Variants in MYT1L observed in about 807,000 individuals in gnomAD.
MYT1L encodes the protein myelin transcription factor 1 like, also known as myelin transcription factor 1-like protein.
A neutral mutation model predicts 126.7 loss-of-function variants in MYT1L; 12 were observed. That is an observed-to-expected ratio of 0.09 (90% CI 0.06 to 0.15). The LOEUF (loss-of-function observed/expected upper bound fraction) is 0.15. Ranked by LOEUF, MYT1L falls within the 10% of genes least tolerant of loss-of-function variation. The pLI, the probability that MYT1L is intolerant of heterozygous loss-of-function variation, is 1.00. For synonymous variants in MYT1L, 541 were observed against 604.2 expected (o/e 0.90, Z 1.53); for missense variants, 979 against 1,585.2 (o/e 0.62, Z 6.49).
At chr2:1,867,399 C>T (rs1259667623) in intron 18 of MYT1L, among the ~76,000 whole-genome samples, 1 of 152,154 alleles carries the variant, frequency 6.6e-6, no homozygotes, top group Admixed American at 6.5e-5. Context: ...TTGCCTCCTG[C>T]CTATCCCATG....
At chr2:1,973,587 C>G (rs2059958975) in intron 8 of MYT1L, among the ~76,000 whole-genome samples, 1 of 152,240 alleles carries the variant, frequency 6.6e-6, no homozygotes, top group Non-Finnish European at 1.5e-5. Context: ...ATGCCAGCAT[C>G]AGTTCATGAA....
intron 2 of MYT1L, among the ~76,000 whole-genome samples, chr2:2,192,150 G>T (rs1375541467): frequency 6.6e-6 from 1 of 152,194 alleles, no homozygotes; most frequent in African/African-American, 2.4e-5. Context: ...CTTTCCCATA[G>T]ATTGTGAATT....
chr2:2,223,612 A>G (rs2093936990), intron 2 of MYT1L, among the ~76,000 whole-genome samples: 1 of 152,210 alleles, frequency 6.6e-6, no homozygotes, highest in South Asian at 2.1e-4. Context: ...AATTTTCTCC[A>G]TATATTTGAC....
chr2:1,901,285 G>A (rs913578292), intron 14 of MYT1L, among the ~76,000 whole-genome samples: 5 of 152,096 alleles, frequency 3.3e-5, no homozygotes, highest in African/African-American at 4.8e-5. Flanking sequence ...AAACAGGTGC[G>A]TAAACATGAA....
chr2:2,318,078 C>T (rs2096097391), intron 1 of MYT1L, among the ~76,000 whole-genome samples: 1 of 152,180 alleles, frequency 6.6e-6, no homozygotes. Flanking sequence ...ATCAGCAAGC[C>T]TCACACTTCA....
At chr2:2,073,968 C>A (rs1462825803) in intron 3 of MYT1L, among the ~76,000 whole-genome samples, 1 of 152,146 alleles carries the variant, frequency 6.6e-6, no homozygotes, top group Non-Finnish European at 1.5e-5. Context: ...AATTGCCCGT[C>A]TCACCCACAA....
chr2:1,938,097 G>A (rs2056219325), intron 9 of MYT1L, among the ~76,000 whole-genome samples: 1 of 152,174 alleles, frequency 6.6e-6, no homozygotes, highest in Non-Finnish European at 1.5e-5. Context: ...CTGCACACAC[G>A]CAAGCTTTCT....
At chr2:2,131,113 G>A (rs1481271154) in intron 3 of MYT1L, among the ~76,000 whole-genome samples, 1 of 152,114 alleles carries the variant, frequency 6.6e-6, no homozygotes, top group African/African-American at 2.4e-5. Flanking sequence ...CTGTCCCTGG[G>A]GAAAGCTACT....
At chr2:1,878,870 C>T (rs1338988520) in intron 18 of MYT1L, among the ~76,000 whole-genome samples, 1 of 152,164 alleles carries the variant, frequency 6.6e-6, no homozygotes, top group Non-Finnish European at 1.5e-5. Flanking sequence ...GTCTCCATCT[C>T]TCATTCATGA....
At chr2:2,177,025 T>C (rs188381338) in intron 2 of MYT1L, among the ~76,000 whole-genome samples, 9 of 152,334 alleles carry the variant, frequency 5.9e-5, no homozygotes, top group Middle Eastern at 3.4e-3. Flanking sequence ...GGAAACAGGT[T>C]TGTTTCCCAC....
chr2:1,956,218 TATCTATCTGTCTATC>T (rs1558529845), intron 8 of MYT1L, among the ~76,000 whole-genome samples: 2 of 133,648 alleles, frequency 1.5e-5, no homozygotes, highest in African/African-American at 8.0e-5. Context: ...TCTATCTATC[TATCTATCTGTCTATC>T]ATCTATCTAT....
intron 9 of MYT1L, among the ~76,000 whole-genome samples, chr2:1,931,726 G>A (rs1319252229): frequency 6.6e-6 from 1 of 152,140 alleles, no homozygotes; most frequent in East Asian, 1.9e-4. Context: ...TGAGGAGCTC[G>A]ACCTACTTAT....
intron 5 of MYT1L, among the ~76,000 whole-genome samples, chr2:1,984,596 G>GC (rs1384919182): frequency 7.1e-6 from 1 of 140,268 alleles, no homozygotes; most frequent in Non-Finnish European, 1.5e-5. Flanking sequence ...TACAAGCTCC[G>GC]CCTCCTGGGT....
intron 8 of MYT1L, among the ~76,000 whole-genome samples, chr2:1,975,518 T>C (rs1445007997): frequency 6.6e-6 from 1 of 152,072 alleles, no homozygotes; most frequent in East Asian, 1.9e-4. Context: ...CACTTGAAGT[T>C]AGGAGTTCGA....
rs920744381 is a variant in MYT1L at position 2,224,009 on chromosome 2, G to A, written c.-420-51021C>T. Among the ~76,000 whole-genome samples the A allele has an allele frequency of 2.0e-5, 3 of 152,146 alleles. No homozygotes were observed. Among genetic ancestry groups the A allele is most frequent in the Non-Finnish European group, 2.9e-5 (2 of 68,028 alleles). ...GTTGCTTTGACTGAGTTGACAGGTG[G>A]AGTGTGTATGTTGTGTGAGGTAACT... is the stretch of plus-strand genomic sequence containing the variant. On this transcript the variant is annotated intron_variant, in intron 2 of 24. Transcript: ENST00000647738. The surrounding 1 kb of genome is among the most constrained non-coding windows in gnomAD (Gnocchi z 4.0).
In MYT1L at chr2:1,954,923, G is replaced by A. The variant is rs147041391; in HGVS notation, c.153-11589C>T. Among the ~76,000 whole-genome samples the A allele has an allele frequency of 5.7e-3, 861 of 150,360 alleles. 10 individuals are homozygous for A. The highest frequency in any genetic ancestry group is 0.02 in the African/African-American group (814 of 40,884). Reference sequence around the variant, plus strand: ...TCTACTTAATAAAAAAAGAAAGAAAGAAAGAGAAAGTGAGAGAGAGAAAGA... The same window carrying A: ...TCTACTTAATAAAAAAAGAAAGAAAAAAAGAGAAAGTGAGAGAGAGAAAGA... On this transcript the variant is annotated intron_variant, in intron 8 of 24. Transcript: ENST00000647738.
intron 15 of MYT1L, among the ~76,000 whole-genome samples, chr2:1,890,170 A>G (rs1228186919): frequency 6.6e-6 from 1 of 151,994 alleles, no homozygotes; most frequent in African/African-American, 2.4e-5. Flanking sequence ...CCCAGGTTCA[A>G]GCAATTCTCC....
rs1248744274 is a variant in MYT1L, at chr2:1,793,348, G to T, written c.3277-884C>A. ...GCGGGGAGCTGCCCTGCCCATGGGG[G>T]TGTCTGCCTTGGGCACCCAAGGGTG... On this transcript the variant is annotated intron_variant, in intron 23 of 24. Transcript: ENST00000647738. This position sits in a 1 kb window ranked among gnomAD's most constrained non-coding sequence, Gnocchi z 4.6. 1.3e-5 allele frequency among the ~76,000 whole-genome samples: 2 copies of T among 152,240 alleles called. No homozygotes were observed. The highest frequency in any genetic ancestry group is 6.5e-5 in the Admixed American group (1 of 15,292).
chr2:1,817,446 C>A lies in MYT1L; in HGVS notation c.3081-8279G>T, dbSNP rs1455772687. On this transcript the variant is annotated intron_variant, in intron 21 of 24. Coordinates refer to ENST00000647738, the MANE Select transcript of MYT1L (RefSeq NM_001303052.2). ...CACTCTCAGTTAATAAAACTGCCTGCTGGGAATGACAAATAATGGTGTTAT... is the reference window on the plus strand; with the variant it reads ...CACTCTCAGTTAATAAAACTGCCTGATGGGAATGACAAATAATGGTGTTAT... 2.0e-5 allele frequency among the ~76,000 whole-genome samples: 3 copies of A among 152,342 alleles called. No individual in the cohort carries two copies. In the East Asian group the frequency reaches 5.8e-4, roughly 29 times the overall value.
Sources: gnomAD v4.1 joint callset for allele counts (sites outside exome capture counted in the v4.1 genomes callset) on GRCh38, gnomAD v4.1.1 for gene constraint, Gnocchi (gnomAD v3.1) non-coding constraint, MANE v1.5 for transcripts, NCBI Gene and HGNC (gene_info 2026-07-23, HGNC 2026-07-21) for gene names.